C16orf96: variants seen among roughly 807,000 people sequenced by gnomAD.
C16orf96 encodes uncharacterized protein C16orf96.
A neutral mutation model predicts 103.6 loss-of-function variants in C16orf96; 108 were observed. That is an observed-to-expected ratio of 1.04 (90% CI 0.89 to 1.22). C16orf96 has a LOEUF of 1.22. Ranked by LOEUF, C16orf96 falls within the 50% of genes most tolerant of loss-of-function variation. C16orf96 has a pLI of 0.00. For missense variants in C16orf96, 1,586 were observed against 1,464.2 expected (o/e 1.08, Z -1.36); for synonymous variants, 566 against 593.5 (o/e 0.95, Z 0.67).
intron 1 of C16orf96, among the ~76,000 whole-genome samples, chr16:4,567,280 CTTTTT>C (rs71139642): frequency 6.4e-5 from 4 of 62,606 alleles, no homozygotes; most frequent in African/African-American, 2.4e-4. Context: ...TATTTCTTTT[CTTTTT>C]TTTTTTTTTT....
At chr16:4,562,017 T>C (rs2059337337) in intron 1 of C16orf96, among the ~76,000 whole-genome samples, 1 of 152,158 alleles carries the variant, frequency 6.6e-6, no homozygotes, top group African/African-American at 2.4e-5. Context: ...AGGCTTAGGG[T>C]ATTTTTTTAA....
chr16:4,575,142 C>T lies in C16orf96; in HGVS notation c.694-32C>T, dbSNP rs772007572. On this transcript the variant is annotated intron_variant, in intron 4 of 15. Coordinates refer to ENST00000444310, the MANE Select transcript of C16orf96 (RefSeq NM_001145011.2). Reference sequence around the variant, plus strand: ...TGAGAGTGGGAGGCGGGGCTGGAAGCCAGCAGAGCCCCTCTGCCCCCTCTT... The same window carrying T: ...TGAGAGTGGGAGGCGGGGCTGGAAGTCAGCAGAGCCCCTCTGCCCCCTCTT... The T allele has an allele frequency of 1.3e-5, 20 of 1,545,170 alleles. No individual in the cohort carries two copies. In the South Asian group the frequency reaches 2.3e-4, roughly 17 times the overall value.
At chr16:4,563,729 C>T (rs975606636) in intron 1 of C16orf96, among the ~76,000 whole-genome samples, 7 of 151,558 alleles carry the variant, frequency 4.6e-5, no homozygotes, top group African/African-American at 1.7e-4. Context: ...CCACCATGCC[C>T]AGCTAATTTT....
chr16:4,583,087 A>T (rs1596531461), intron 7 of C16orf96, among the ~76,000 whole-genome samples: 1 of 152,154 alleles, frequency 6.6e-6, no homozygotes, highest in Admixed American at 6.6e-5. Flanking sequence ...AACACAAAAA[A>T]ATCAGCTGGG....
At chr16:4,571,110 C>G (rs1341627204) in intron 1 of C16orf96, among the ~76,000 whole-genome samples, 1 of 152,104 alleles carries the variant, frequency 6.6e-6, no homozygotes, top group African/African-American at 2.4e-5. Flanking sequence ...CACTTGAGCC[C>G]AGGAGGTGGA....
chr16:4,540,066 TTCTC>T, the C16orf96 span, among the ~76,000 whole-genome samples: 3 of 152,202 alleles, frequency 2.0e-5, no homozygotes, highest in African/African-American at 7.2e-5. Flanking sequence ...ATTAAACTCT[TTCTC>T]TATTGCAGTT....
chr16:4,571,713 T>C, intron 2 of C16orf96, 48 bp downstream of exon 2: 3 of 1,378,702 alleles, frequency 2.2e-6, no homozygotes, highest in Non-Finnish European at 1.9e-6. Flanking sequence ...TGCTCAGGCC[T>C]CTGGGGGTTG....
upstream of C16orf96, among the ~76,000 whole-genome samples, chr16:4,555,261 A>T (rs983547710): frequency 9.6e-5 from 10 of 103,658 alleles, no homozygotes; most frequent in Non-Finnish European, 1.3e-4. Flanking sequence ...AGACTTTGTC[A>T]CACACACTAC....
intron 8 of C16orf96, 81 bp downstream of exon 8, chr16:4,587,194 G>C (rs1364730898): frequency 7.6e-7 from 1 of 1,316,560 alleles, no homozygotes; most frequent in East Asian, 2.5e-5. Flanking sequence ...CCACCAAAGA[G>C]TCTTCCAGAA....
chr16:4,552,070 C>T (rs1166381930), upstream of C16orf96, among the ~76,000 whole-genome samples: 2 of 152,168 alleles, frequency 1.3e-5, no homozygotes, highest in African/African-American at 4.8e-5. Flanking sequence ...GCTTCATCCA[C>T]GTCCTTGCAA....
Position 4,579,484 on chromosome 16 carries a change from G to T in C16orf96, c.2241+459G>T, listed in dbSNP as rs191229678. ...TGGGAGGATCACTTGAGCCTGGGAG[G>T]TGGAGGCTGCAATGAGCCAAGATCA... is the stretch of plus-strand genomic sequence containing the variant. On this transcript the variant is annotated intron_variant, in intron 6 of 15. Coordinates refer to ENST00000444310, the MANE Select transcript of C16orf96 (RefSeq NM_001145011.2). Among the ~76,000 whole-genome samples, 128 of 151,392 alleles carry T rather than the reference G, an allele frequency of 8.5e-4. 1 individual carries two copies. The highest frequency in any genetic ancestry group is 2.6e-3 in the African/African-American group (107 of 41,214).
At chr16:4,543,805 C>T in the C16orf96 span, among the ~76,000 whole-genome samples, 1 of 151,376 alleles carries the variant, frequency 6.6e-6, no homozygotes. Flanking sequence ...TCACAACTGG[C>T]TAATTTTTGT....
the C16orf96 span, among the ~76,000 whole-genome samples, chr16:4,547,736 C>G: frequency 5.3e-5 from 7 of 132,806 alleles, no homozygotes; most frequent in African/African-American, 2.0e-4. Flanking sequence ...TTCTTTCTTT[C>G]TCCTTCCTTG....
chr16:4,550,733 T>C, the C16orf96 span, among the ~76,000 whole-genome samples: 1 of 152,222 alleles, frequency 6.6e-6, no homozygotes, highest in African/African-American at 2.4e-5. Flanking sequence ...CTTGTGGTTC[T>C]AGCCTCATGG....
intron 14 of C16orf96, among the ~76,000 whole-genome samples, chr16:4,597,668 C>T (rs1395397622): frequency 6.6e-6 from 1 of 152,102 alleles, no homozygotes; most frequent in Non-Finnish European, 1.5e-5. Context: ...GAAATCCTCC[C>T]TCTTCAGCCT....
chr16:4,548,318 T>C, the C16orf96 span, among the ~76,000 whole-genome samples: 2 of 152,134 alleles, frequency 1.3e-5, no homozygotes, highest in Non-Finnish European at 2.9e-5. Flanking sequence ...ACGCAGCTCC[T>C]CCTCCCTGGC....
At chr16:4,591,299 C>T (rs781779804) in intron 9 of C16orf96, among the ~76,000 whole-genome samples, 1 of 152,150 alleles carries the variant, frequency 6.6e-6, no homozygotes, top group Non-Finnish European at 1.5e-5. Flanking sequence ...ACATACAGAC[C>T]GTCAATAAAC....
At chr16:4,547,000 G>A in the C16orf96 span, among the ~76,000 whole-genome samples, 2 of 145,012 alleles carry the variant, frequency 1.4e-5, no homozygotes, top group African/African-American at 2.6e-5. Flanking sequence ...TATATTGCCT[G>A]GCAGGTCTGT....
In C16orf96 at chr16:4,575,340, A is replaced by G; in HGVS notation, c.860A>G (p.Glu287Gly). 6.4e-7 allele frequency: 1 copy of G among 1,551,190 alleles called. No individual in the cohort carries two copies. Among genetic ancestry groups the G allele is most frequent in the Non-Finnish European group, 8.7e-7 (1 of 1,146,978 alleles). The change falls in exon 5 of 16, where the codon GAG becomes GGG. Residue 287 changes from glutamate to glycine, a missense_variant. By Grantham distance (98) the Glu-to-Gly change is moderately conservative. Transcript: ENST00000444310. ...LQTVWHYEVP[E>G]LLPEGSSAQA... ...ACTGTCTGGCATTATGAGGTCCCAG[A>G]GCTCCTCCCGGAGGGCTCATCTGCC...
Sources: gnomAD v4.1 joint callset for allele counts (sites outside exome capture counted in the v4.1 genomes callset) on GRCh38, gnomAD v4.1.1 for gene constraint, MANE v1.5 for transcripts, NCBI Gene and HGNC (gene_info 2026-07-23, HGNC 2026-07-21) for gene names.